Variants in KIAA1217 observed in about 807,000 individuals in gnomAD.
KIAA1217 encodes KIAA1217, also known as sickle tail protein homolog.
In KIAA1217, 88 loss-of-function variants were observed where a neutral mutation model predicts 163.9. The ratio of observed to expected loss-of-function variants is 0.54; its 90% confidence interval spans 0.45 to 0.64. The LOEUF is 0.64. KIAA1217 is among the 30% of genes least tolerant of loss of function. The pLI, the probability that KIAA1217 is intolerant of heterozygous loss-of-function variation, is 0.00. For missense variants in KIAA1217, 2,372 were observed against 2,475.0 expected (o/e 0.96, Z 0.88); for synonymous variants, 903 against 923.1 (o/e 0.98, Z 0.39).
chr10:24,060,907 A>AATGTGT (rs2060699090), intron 2 of KIAA1217, among the ~76,000 whole-genome samples: 1 of 152,118 alleles, frequency 6.6e-6, no homozygotes, highest in Non-Finnish European at 1.5e-5. Context: ...ACTAGAGAAG[A>AATGTGT]ATGTGTATTC....
At chr10:24,519,469 G>C (rs1001292582) in intron 10 of KIAA1217, among the ~76,000 whole-genome samples, 6 of 152,120 alleles carry the variant, frequency 3.9e-5, no homozygotes, top group Admixed American at 1.3e-4. Flanking sequence ...GTATAAACCA[G>C]AGGTTCTCAT....
At chr10:24,487,021 C>T (rs1367442437) in intron 6 of KIAA1217, among the ~76,000 whole-genome samples, 1 of 152,200 alleles carries the variant, frequency 6.6e-6, no homozygotes, top group Non-Finnish European at 1.5e-5. Context: ...AGAACAAACA[C>T]AGTTAATTCC....
intron 1 of KIAA1217, among the ~76,000 whole-genome samples, chr10:23,999,070 T>C (rs1846625952): frequency 6.6e-6 from 1 of 152,196 alleles, no homozygotes; most frequent in Non-Finnish European, 1.5e-5. Flanking sequence ...ATACAGTTTT[T>C]TTCTGCTTTT....
rs1340004539 is a variant in KIAA1217, at chr10:24,546,258, C to A, written c.5766C>A (p.Thr1922=). The change falls in exon 21 of 21, where the codon ACC becomes ACA. Residue 1922 remains threonine, a synonymous_variant. Transcript: ENST00000376454. ...GTRTIHTPSL[T]SYKAQNGSSS... ...GGACCATCCATACTCCCAGCCTCAC[C>A]AGCTACAAGGCACAGAATGGAAGTT... is the stretch of plus-strand genomic sequence containing the variant. 1 of 1,614,132 alleles carries A rather than the reference C, an allele frequency of 6.2e-7. No homozygotes were observed. The highest frequency in any genetic ancestry group is 1.7e-5 in the Admixed American group (1 of 60,004).
chr10:23,702,918 G>A (rs1379687319), intron 1 of KIAA1217, among the ~76,000 whole-genome samples: 1 of 152,010 alleles, frequency 6.6e-6, no homozygotes, highest in African/African-American at 2.4e-5. Context: ...AGTAGAGACG[G>A]GGTTTCACCG....
intron 2 of KIAA1217, among the ~76,000 whole-genome samples, chr10:24,230,491 C>T (rs989808958): frequency 1.1e-4 from 14 of 125,124 alleles, no homozygotes; most frequent in African/African-American, 4.0e-4. Flanking sequence ...GTAGGCACTA[C>T]TATTTGTTTT....
chr10:24,399,804 C>A (rs923765903), intron 3 of KIAA1217, among the ~76,000 whole-genome samples: 9 of 152,212 alleles, frequency 5.9e-5, no homozygotes, highest in African/African-American at 2.2e-4. Flanking sequence ...TAGATGCTAA[C>A]TGTACCCCTT....
intron 5 of KIAA1217, among the ~76,000 whole-genome samples, chr10:24,448,792 G>A (rs77664876): frequency 0.076 from 11,591 of 152,198 alleles, 614 homozygotes; most frequent in East Asian, 0.17. Flanking sequence ...TACTGTAAGC[G>A]TTTACTGATT....
At chr10:24,467,357 CTCAAATAATGAAGAGACAATAGAGG>C (rs1402313553) in intron 5 of KIAA1217, among the ~76,000 whole-genome samples, 2 of 152,056 alleles carry the variant, frequency 1.3e-5, no homozygotes, top group Admixed American at 6.6e-5. Flanking sequence ...ACTGGAAGAA[CTCAAATAATGAAGAGACAATAGAGG>C]TTTGGGCAGT....
At chr10:24,163,822 G>C (rs1331976412) in intron 2 of KIAA1217, among the ~76,000 whole-genome samples, 7 of 152,096 alleles carry the variant, frequency 4.6e-5, no homozygotes, top group Non-Finnish European at 8.8e-5. Context: ...CCAGGCACAT[G>C]GCCCAAATAG....
intron 20 of KIAA1217, 84 bp from the exon 21 acceptor site, chr10:24,545,743 C>G: frequency 2.6e-6 from 4 of 1,523,028 alleles, no homozygotes; most frequent in Non-Finnish European, 3.5e-6. Flanking sequence ...GAATTATTCT[C>G]AGAAGGGCTG....
At chr10:23,791,309 A>C (rs1462537411) in intron 1 of KIAA1217, among the ~76,000 whole-genome samples, 1 of 152,186 alleles carries the variant, frequency 6.6e-6, no homozygotes, top group Non-Finnish European at 1.5e-5. Context: ...TGTATACCTC[A>C]CCCAACCTCA....
At chr10:23,968,460 T>G (rs1430976627) in intron 1 of KIAA1217, among the ~76,000 whole-genome samples, 1 of 152,198 alleles carries the variant, frequency 6.6e-6, no homozygotes, top group East Asian at 1.9e-4. Context: ...TTTTTGTGGT[T>G]GTTTTTGACA....
chr10:24,380,802 T>G, intron 2 of KIAA1217, 67 bp from the exon 3 acceptor site: 1 of 1,181,226 alleles, frequency 8.5e-7, no homozygotes, highest in Non-Finnish European at 1.2e-6. Context: ...AGAAATGGCA[T>G]TGGACATATT....
At chr10:24,010,178 G>A (rs574528240) in intron 2 of KIAA1217, among the ~76,000 whole-genome samples, 3 of 151,432 alleles carry the variant, frequency 2.0e-5, no homozygotes, top group Admixed American at 6.6e-5. Flanking sequence ...CTGTATGAAC[G>A]CTTTTTAAAA....
intron 2 of KIAA1217, among the ~76,000 whole-genome samples, chr10:24,226,389 G>A (rs1364898494): frequency 2.6e-5 from 4 of 152,076 alleles, no homozygotes; most frequent in Admixed American, 1.3e-4. Context: ...CACTTTGGGA[G>A]GCTAAGGCGG....
chr10:23,957,177 A>G (rs1056818530), intron 1 of KIAA1217, among the ~76,000 whole-genome samples: 2 of 152,002 alleles, frequency 1.3e-5, no homozygotes, highest in African/African-American at 2.4e-5. Flanking sequence ...AATCCACCTC[A>G]CGCTTTCCAG....
At chr10:24,448,203 A>T (rs1340501821) in intron 5 of KIAA1217, among the ~76,000 whole-genome samples, 1 of 152,070 alleles carries the variant, frequency 6.6e-6, no homozygotes, top group Non-Finnish European at 1.5e-5. Context: ...AGATTAAAAT[A>T]AGTGTTCATC....
intron 2 of KIAA1217, among the ~76,000 whole-genome samples, chr10:24,250,163 A>G (rs773334883): frequency 1.3e-5 from 2 of 152,194 alleles, no homozygotes; most frequent in African/African-American, 2.4e-5. Context: ...GAATGTCAAA[A>G]GCATTTGTTA....
Sources: gnomAD v4.1 joint callset for allele counts (sites outside exome capture counted in the v4.1 genomes callset) on GRCh38, gnomAD v4.1.1 for gene constraint, MANE v1.5 for transcripts, NCBI Gene and HGNC (gene_info 2026-07-23, HGNC 2026-07-21) for gene names.